The following DNM3 variants were observed in gnomAD, a reference collection of about 807,000 sequenced individuals.
The protein encoded by DNM3 is dynamin-3.
Under a neutral mutation model 101.6 loss-of-function variants are expected in DNM3, and 47 were observed. The ratio of observed to expected loss-of-function variants is 0.46; its 90% CI spans 0.37 to 0.59. DNM3 has a LOEUF of 0.59. DNM3 is among the 20% of genes least tolerant of loss of function. The pLI is 0.00. For synonymous variants in DNM3, 385 were observed against 387.9 expected, an observed-to-expected ratio of 0.99 and a Z score of 0.09; for missense variants, 849 against 1,085.7, an observed-to-expected ratio of 0.78 and a Z score of 3.06.
intron 4 of DNM3, among the ~76,000 whole-genome samples, chr1:171,992,136 C>A (rs2045676260): frequency 6.6e-6 from 1 of 152,156 alleles, no homozygotes; most frequent in African/African-American, 2.4e-5. Context: ...AATTGGCCAA[C>A]TAATAAATCT....
At chr1:172,080,163 C>CCGT (rs1295129167) in intron 11 of DNM3, among the ~76,000 whole-genome samples, 2 of 152,172 alleles carry the variant, frequency 1.3e-5, no homozygotes, top group African/African-American at 4.8e-5. Flanking sequence ...GCTGGGAGAT[C>CCGT]CGTCATTCTC....
Position 171,895,831 on chromosome 1 carries a change from G to T in DNM3, c.162-25917G>T, listed in dbSNP as rs2037739679. ...AATTTTTGTATAAGATGTAAGGAAG[G>T]GATCCAGTTTCAGCTTTCTACATAT... On this transcript the variant is annotated intron_variant, in intron 1 of 20. Coordinates refer to ENST00000627582, the MANE Select transcript of DNM3 (RefSeq NM_015569.5). Among the ~76,000 whole-genome samples, 2 of 152,060 alleles carry T rather than the reference G, an allele frequency of 1.3e-5. 1 individual carries two copies. The highest frequency in any genetic ancestry group is 4.2e-4 in the South Asian group (2 of 4,812).
chr1:171,926,641 T>G (rs907524871), intron 2 of DNM3, among the ~76,000 whole-genome samples: 5 of 152,210 alleles, frequency 3.3e-5, no homozygotes, highest in African/African-American at 1.2e-4. Flanking sequence ...AGTTTCAAAT[T>G]GAGAATTGCA....
At position 172,233,848 on chromosome 1, in the gene DNM3, C is replaced by T. The variant is rs375656263; in HGVS notation, c.1660-19725C>T. ...TTTGACAAAATTCAACAGCCCTTCA[C>T]GCTAAAAACTCTCAATAAATTAGGT... is the stretch of plus-strand genomic sequence containing the variant. On this transcript the variant is annotated intron_variant, in intron 14 of 20. Transcript: ENST00000627582. Among the ~76,000 whole-genome samples, 751 of 152,072 alleles carry T rather than the reference C, an allele frequency of 4.9e-3. 3 individuals are homozygous for T. Among genetic ancestry groups the T allele is most frequent in the South Asian group, 0.016 (75 of 4,820 alleles).
At chr1:171,979,936 A>G (rs1213022023) in intron 2 of DNM3, among the ~76,000 whole-genome samples, 2 of 151,938 alleles carry the variant, frequency 1.3e-5, no homozygotes, top group African/African-American at 4.8e-5. Context: ...TTAATTTCCT[A>G]CTTTGCCTTG....
At chr1:172,100,455 T>C (rs1204010365) in intron 13 of DNM3, among the ~76,000 whole-genome samples, 1 of 152,188 alleles carries the variant, frequency 6.6e-6, no homozygotes, top group African/African-American at 2.4e-5. Flanking sequence ...GAGTCCAATG[T>C]TAAAAAGGTG....
At chr1:172,316,501 G>C (rs371434322) in intron 16 of DNM3, among the ~76,000 whole-genome samples, 2 of 152,078 alleles carry the variant, frequency 1.3e-5, no homozygotes, top group South Asian at 2.1e-4. Context: ...CCCATCTCAC[G>C]TGCAGAGACA....
Position 172,209,104 on chromosome 1 carries a change from T to G in DNM3, c.1660-44469T>G, listed in dbSNP as rs2060422764. On this transcript the variant is annotated intron_variant, in intron 14 of 20. Coordinates refer to ENST00000627582, the MANE Select transcript of DNM3 (RefSeq NM_015569.5). ...TTTGAAGATAAGGTCTTTAAACAGG[T>G]GATTAAGTTAAAATGAGGTAATCAC... Among the ~76,000 whole-genome samples the G allele has an allele frequency of 2.0e-5, 3 of 151,964 alleles. No homozygotes were observed. The South Asian group carries it at 6.2e-4, about 32-fold the overall frequency.
intron 15 of DNM3, among the ~76,000 whole-genome samples, chr1:172,291,080 G>A (rs114646217): frequency 0.012 from 1,776 of 152,242 alleles, 15 homozygotes; most frequent in Non-Finnish European, 0.017. Flanking sequence ...CGTGAAAAGC[G>A]CTGTATCTAT....
chr1:172,211,504 A>G (rs1048089766), intron 14 of DNM3, among the ~76,000 whole-genome samples: 1 of 152,138 alleles, frequency 6.6e-6, no homozygotes, highest in Non-Finnish European at 1.5e-5. Flanking sequence ...TCTCCTCCAC[A>G]ATGAAATTGA....
At chr1:172,389,959 A>AT (rs2069428666) in intron 20 of DNM3, among the ~76,000 whole-genome samples, 1 of 152,308 alleles carries the variant, frequency 6.6e-6, no homozygotes, top group African/African-American at 2.4e-5. Flanking sequence ...TAACTCTGAG[A>AT]CGGGAGTTCT....
At chr1:172,107,595 G>A (rs1261438968) in intron 13 of DNM3, among the ~76,000 whole-genome samples, 1 of 152,166 alleles carries the variant, frequency 6.6e-6, no homozygotes, top group African/African-American at 2.4e-5. Flanking sequence ...GGTGTCACGA[G>A]ATCTTTTGTT....
At chr1:172,251,528 C>A (rs1157479091) in intron 14 of DNM3, among the ~76,000 whole-genome samples, 1 of 152,032 alleles carries the variant, frequency 6.6e-6, no homozygotes, top group Non-Finnish European at 1.5e-5. Flanking sequence ...GGATAAATGA[C>A]ATTTAGTACT....
In DNM3 at chr1:172,254,231, G is replaced by A. The variant is rs144999659; in HGVS notation, c.1769+549G>A. Among the ~76,000 whole-genome samples, 613 of 152,198 alleles carry A rather than the reference G, an allele frequency of 4.0e-3. 6 individuals carry two copies. The highest frequency in any genetic ancestry group is 0.027 in the Middle Eastern group (8 of 294). Reference sequence around the variant, plus strand: ...ATGAGCCACTGCACCCAGTCTGTCTGTTCTTAAAGCTACATTTTGTTACCT... The same window carrying A: ...ATGAGCCACTGCACCCAGTCTGTCTATTCTTAAAGCTACATTTTGTTACCT... On this transcript the variant is annotated intron_variant, in intron 15 of 20. Transcript: ENST00000627582.
At chr1:172,002,811 A>G (rs193283074) in intron 4 of DNM3, among the ~76,000 whole-genome samples, 46 of 152,180 alleles carry the variant, frequency 3.0e-4, no homozygotes, top group South Asian at 1.0e-3. Flanking sequence ...AAAAAGTAAG[A>G]ACAAAAGAAA....
chr1:172,102,966 T>G (rs1020895043), intron 13 of DNM3, among the ~76,000 whole-genome samples: 2 of 152,212 alleles, frequency 1.3e-5, no homozygotes, highest in Non-Finnish European at 2.9e-5. Flanking sequence ...AAAGTATCCA[T>G]GGAGCCAATA....
chr1:172,389,077 G>A, intron 20 of DNM3: 1 of 479,478 alleles, frequency 2.1e-6, no homozygotes, highest in South Asian at 2.7e-5. Flanking sequence ...CATTTTGGCA[G>A]CTATTGGGAG....
chr1:172,278,385 C>T (rs575978609), intron 15 of DNM3, among the ~76,000 whole-genome samples: 15 of 152,042 alleles, frequency 9.9e-5, no homozygotes, highest in Non-Finnish European at 1.9e-4. Context: ...TTGGGCCACA[C>T]ATAAAATACA....
chr1:172,159,126 C>T (rs1007396409), intron 14 of DNM3, among the ~76,000 whole-genome samples: 1 of 152,018 alleles, frequency 6.6e-6, no homozygotes, highest in African/African-American at 2.4e-5. Context: ...ACTTGAGACC[C>T]ATTGGCATTA....
Sources: gnomAD v4.1 joint callset for allele counts (sites outside exome capture counted in the v4.1 genomes callset) on GRCh38, gnomAD v4.1.1 for gene constraint, MANE v1.5 for transcripts, NCBI Gene and HGNC (gene_info 2026-07-23, HGNC 2026-07-21) for gene names.